Variants in KCNK9 observed in about 807,000 individuals in gnomAD.
The protein encoded by KCNK9 is potassium channel subfamily K member 9.
KCNK9 carries 1 observed loss-of-function variant against 10.8 expected under a neutral mutation model. That is an observed-to-expected ratio of 0.09 (90% CI 0.03 to 0.44). KCNK9 has a LOEUF of 0.44. Among genes scored for constraint, KCNK9 ranks in the 20% least tolerant of loss-of-function variants. KCNK9 has a pLI of 0.97. For missense variants in KCNK9, 303 were observed against 515.0 expected, an observed-to-expected ratio of 0.59 and a Z score of 3.98; for synonymous variants, 231 against 222.7, an observed-to-expected ratio of 1.04 and a Z score of -0.33.
At chr8:139,630,830 T>C (rs910297417) in intron 1 of KCNK9, among the ~76,000 whole-genome samples, 4 of 152,076 alleles carry the variant, frequency 2.6e-5, no homozygotes, top group African/African-American at 9.7e-5. Context: ...CCCCAGAATA[T>C]CAAAGGCTGG....
chr8:139,687,367 T>G (rs1816815165), intron 1 of KCNK9, among the ~76,000 whole-genome samples: 1 of 144,712 alleles, frequency 6.9e-6, no homozygotes. Context: ...TACATATATA[T>G]GTGTATACAT....
chr8:139,657,011 C>T (rs1464367304), intron 1 of KCNK9, among the ~76,000 whole-genome samples: 1 of 152,224 alleles, frequency 6.6e-6, no homozygotes, highest in Admixed American at 6.5e-5. Context: ...CCATTTGCCC[C>T]CTCCACACCT....
chr8:139,690,631 G>A (rs3780028), intron 1 of KCNK9, among the ~76,000 whole-genome samples: 7,467 of 152,236 alleles, frequency 0.049, 214 homozygotes, highest in South Asian at 0.14. Context: ...TAATCACTGA[G>A]GCTAATCCTT....
chr8:139,644,882 C>A (rs752133588), intron 1 of KCNK9, among the ~76,000 whole-genome samples: 1 of 152,150 alleles, frequency 6.6e-6, no homozygotes, highest in East Asian at 1.9e-4. Flanking sequence ...GAGCTGTCCA[C>A]CCCCTGTTCC....
At chr8:139,658,304 G>A (rs1283418501) in intron 1 of KCNK9, among the ~76,000 whole-genome samples, 1 of 151,252 alleles carries the variant, frequency 6.6e-6, no homozygotes, top group Admixed American at 6.6e-5. Context: ...GTAAGTCATG[G>A]GGGGACAACC....
intron 1 of KCNK9, among the ~76,000 whole-genome samples, chr8:139,671,498 CTT>C (rs1165839170): frequency 6.9e-6 from 1 of 145,052 alleles, no homozygotes; most frequent in African/African-American, 2.5e-5. Flanking sequence ...GTTCATTCTT[CTT>C]TTTTTAGTTT....
At chr8:139,610,922 C>T (rs1488680325), downstream of KCNK9, among the ~76,000 whole-genome samples, 7 of 152,222 alleles carry the variant, frequency 4.6e-5, no homozygotes, top group African/African-American at 1.4e-4. Context: ...AATCTGTGCC[C>T]CCTGTGCTGT....
intron 1 of KCNK9, among the ~76,000 whole-genome samples, chr8:139,683,975 C>T (rs1014077480): frequency 1.4e-4 from 21 of 152,146 alleles, no homozygotes; most frequent in Non-Finnish European, 2.9e-4. Flanking sequence ...TGACCTTTGC[C>T]CCCTCCTTCT....
chr8:139,603,544 G>A (rs191204347), intron 2 of KCNK9, among the ~76,000 whole-genome samples: 5 of 152,222 alleles, frequency 3.3e-5, no homozygotes, highest in Admixed American at 1.3e-4. Context: ...TTACTTGGTT[G>A]TTAGGGGAAA....
At chr8:139,672,582 G>A (rs561009785) in intron 1 of KCNK9, among the ~76,000 whole-genome samples, 7 of 152,288 alleles carry the variant, frequency 4.6e-5, no homozygotes, top group South Asian at 2.1e-4. Context: ...CCATGGCAAC[G>A]GCCCCTCGCC....
intron 1 of KCNK9, among the ~76,000 whole-genome samples, chr8:139,679,962 G>A (rs1418474214): frequency 6.6e-6 from 1 of 152,154 alleles, no homozygotes; most frequent in Non-Finnish European, 1.5e-5. Context: ...AGGAGGGATG[G>A]GGCATCCTGG....
chr8:139,623,532 A>G (rs1814861422), intron 1 of KCNK9, among the ~76,000 whole-genome samples: 1 of 152,162 alleles, frequency 6.6e-6, no homozygotes, highest in Non-Finnish European at 1.5e-5. Context: ...TGGAAAGGCC[A>G]CAGGTGACCC....
At chr8:139,631,162 T>A (rs965690895) in intron 1 of KCNK9, among the ~76,000 whole-genome samples, 1 of 152,264 alleles carries the variant, frequency 6.6e-6, no homozygotes, top group Non-Finnish European at 1.5e-5. Flanking sequence ...AAGTCGCTAA[T>A]CTTTCTTTCT....
intron 1 of KCNK9, among the ~76,000 whole-genome samples, chr8:139,664,789 G>A (rs1479166012): frequency 6.6e-6 from 1 of 152,198 alleles, no homozygotes; most frequent in Non-Finnish European, 1.5e-5. Context: ...TCAGTCACTG[G>A]AACTTCTGGT....
At chr8:139,676,989 A>G (rs189227410) in intron 1 of KCNK9, among the ~76,000 whole-genome samples, 5 of 152,252 alleles carry the variant, frequency 3.3e-5, no homozygotes, top group Non-Finnish European at 7.4e-5. Flanking sequence ...ACAAAACAAA[A>G]CAAAAAGGTG....
chr8:139,701,246 G>GCCCA (rs1373551411), intron 1 of KCNK9, among the ~76,000 whole-genome samples: 1 of 152,194 alleles, frequency 6.6e-6, no homozygotes, highest in African/African-American at 2.4e-5. Context: ...TGGGCAAAGG[G>GCCCA]CGTGGGGCAA....
intron 2 of KCNK9, among the ~76,000 whole-genome samples, chr8:139,605,784 G>T (rs937507981): frequency 2.6e-5 from 4 of 152,234 alleles, no homozygotes; most frequent in Admixed American, 6.5e-5. Context: ...AAACCCTTGT[G>T]TAAGTTACAT....
chr8:139,636,056 T>G (rs1397745577), intron 1 of KCNK9, among the ~76,000 whole-genome samples: 2 of 152,206 alleles, frequency 1.3e-5, no homozygotes, highest in Non-Finnish European at 2.9e-5. Context: ...TTCTGGCCCC[T>G]GGAATTCTGT....
At chr8:139,690,394 G>T (rs2129792431) in intron 1 of KCNK9, among the ~76,000 whole-genome samples, 1 of 152,326 alleles carries the variant, frequency 6.6e-6, no homozygotes, top group South Asian at 2.1e-4. Context: ...TAGCTCTTTG[G>T]TTGTGGTAAG....
Sources: gnomAD v4.1 joint callset for allele counts (sites outside exome capture counted in the v4.1 genomes callset) on GRCh38, gnomAD v4.1.1 for gene constraint, MANE v1.5 for transcripts, NCBI Gene and HGNC (gene_info 2026-07-23, HGNC 2026-07-21) for gene names.